MAPK10: variants seen among roughly 807,000 people sequenced by gnomAD.
MAPK10 encodes mitogen-activated protein kinase 10, also known as JNK3 alpha protein kinase.
A neutral mutation model predicts 59.3 loss-of-function variants in MAPK10; 25 were observed. The observed-to-expected ratio is 0.42, with a 90% CI of 0.31 to 0.59. The LOEUF (loss-of-function observed/expected upper bound fraction) is 0.59, where lower values mean the gene tolerates loss of function less well. MAPK10 is among the 20% of genes least tolerant of loss of function. The probability of loss-of-function intolerance (pLI) is 0.15; values close to 1 mark genes in which losing one functional copy is unlikely to be tolerated. For synonymous variants in MAPK10, 190 were observed against 200.5 expected (o/e 0.95, Z 0.44); for missense variants, 351 against 568.9 (o/e 0.62, Z 3.90).
chr4:86,581,151 A>G (rs1455748748), intron 1 of MAPK10, among the ~76,000 whole-genome samples: 2 of 152,162 alleles, frequency 1.3e-5, no homozygotes, highest in African/African-American at 4.8e-5. Context: ...TTATGGATTC[A>G]ACTTATTGCC....
chr4:86,020,173 A>G (rs1275067712), intron 13 of MAPK10: 1 of 152,244 alleles, frequency 6.6e-6, no homozygotes, highest in Non-Finnish European at 1.5e-5. Context: ...AAATGGAAGC[A>G]TATCATATGT....
Position 86,451,682 on chromosome 4 carries a change from A to G in MAPK10, c.-122+1348T>C, listed in dbSNP as rs80133790. On this transcript the variant is annotated intron_variant, in intron 1 of 13. Transcript: ENST00000361569. The stretch of plus-strand genomic sequence containing the variant: ...AATCCCACAGGAGCCCCAGTGTAAA[A>G]CAAGCCTGAGTTATGTGCAACCCAT... 5.3e-3 allele frequency among the ~76,000 whole-genome samples: 803 copies of G among 152,316 alleles called. 9 individuals are homozygous for G. The highest frequency in any genetic ancestry group is 0.018 in the African/African-American group (745 of 41,574).
At chr4:86,294,726 G>A (rs1584228032) in intron 2 of MAPK10, among the ~76,000 whole-genome samples, 1 of 152,184 alleles carries the variant, frequency 6.6e-6, no homozygotes, top group Admixed American at 6.5e-5. Context: ...CTTCAGCAAG[G>A]TGAGGAGAGG....
intron 2 of MAPK10, among the ~76,000 whole-genome samples, chr4:86,289,735 A>G (rs1272083280): frequency 6.6e-6 from 1 of 151,842 alleles, no homozygotes; most frequent in Non-Finnish European, 1.5e-5. Context: ...ATTCTTAGAA[A>G]AAGATGGTGA....
intron 1 of MAPK10, among the ~76,000 whole-genome samples, chr4:86,553,084 A>AGGAT (rs1397659448): frequency 6.6e-6 from 1 of 152,218 alleles, no homozygotes; most frequent in Non-Finnish European, 1.5e-5. Flanking sequence ...CAACAAAAAT[A>AGGAT]GGATGCTGAC....
At chr4:86,153,835 A>T (rs554545855) in intron 4 of MAPK10, among the ~76,000 whole-genome samples, 1 of 152,260 alleles carries the variant, frequency 6.6e-6, no homozygotes, top group Admixed American at 6.5e-5. Context: ...CACCACCTTA[A>T]ACCTGCTACA....
intron 2 of MAPK10, among the ~76,000 whole-genome samples, chr4:86,324,204 C>T (rs1316149880): frequency 1.3e-5 from 2 of 151,996 alleles, no homozygotes; most frequent in South Asian, 2.1e-4. Context: ...GTCAGGAGTT[C>T]GAGACCAGCC....
chr4:86,064,277 C>T lies in MAPK10; in HGVS notation c.1099G>A (p.Glu367Lys). The T allele has an allele frequency of 6.2e-7, 1 of 1,613,992 alleles. No homozygotes were observed. Among genetic ancestry groups the T allele is most frequent in the Admixed American group, 1.7e-5 (1 of 59,970 alleles). The change falls in exon 11 of 14, where the codon GAA becomes AAA. Residue 367 changes from glutamate (E) to lysine (K), a missense_variant. Physicochemically the swap from Glu to Lys is moderately conservative, Grantham distance 56 (BLOSUM62 1). Around this residue, in one of 5 missense-constraint regions of MAPK10, gnomAD observed 155 missense variants for 204.2 expected, o/e 0.76. Transcript: ENST00000641462. ...PYINVWYDPA[E>K]VEAPPPQIYD... ...AGCCTATTTCTTACCGCCTCCACTT[C>T]GGCTGGGTCATACCAGACGTTGATG...
intron 1 of MAPK10, among the ~76,000 whole-genome samples, chr4:86,586,645 T>G (rs910536106): frequency 6.6e-6 from 1 of 152,194 alleles, no homozygotes; most frequent in Non-Finnish European, 1.5e-5. Context: ...AAGTGAGAAT[T>G]TCTAGCCAAA....
intron 1 of MAPK10, among the ~76,000 whole-genome samples, chr4:86,410,640 T>C (rs1248426505): frequency 6.6e-6 from 1 of 152,220 alleles, no homozygotes; most frequent in African/African-American, 2.4e-5. Context: ...GGAGTGTGTA[T>C]GTGTCCAGGA....
At chr4:86,034,388 T>C (rs2039744533) in intron 11 of MAPK10, among the ~76,000 whole-genome samples, 1 of 152,230 alleles carries the variant, frequency 6.6e-6, no homozygotes, top group African/African-American at 2.4e-5. Flanking sequence ...TAATTTCATA[T>C]GAATTTATAT....
intron 2 of MAPK10, among the ~76,000 whole-genome samples, chr4:86,289,161 C>A (rs1186004124): frequency 2.0e-5 from 3 of 151,984 alleles, no homozygotes; most frequent in South Asian, 2.1e-4. Context: ...TTTAGGATAT[C>A]CAAGGCAGAA....
intron 1 of MAPK10, among the ~76,000 whole-genome samples, chr4:86,546,218 T>C (rs1322148385): frequency 6.7e-6 from 1 of 150,018 alleles, no homozygotes; most frequent in Non-Finnish European, 1.5e-5. Flanking sequence ...GCGAGACTCT[T>C]GTCTCCAAAA....
At chr4:86,380,020 G>A (rs1245092387) in intron 1 of MAPK10, among the ~76,000 whole-genome samples, 1 of 152,082 alleles carries the variant, frequency 6.6e-6, no homozygotes, top group Non-Finnish European at 1.5e-5. Flanking sequence ...TGGATCACCT[G>A]AGGTCAGGAG....
intron 2 of MAPK10, among the ~76,000 whole-genome samples, chr4:86,277,994 G>A (rs1045730714): frequency 2.0e-5 from 3 of 152,082 alleles, no homozygotes; most frequent in Non-Finnish European, 4.4e-5. Context: ...ACATCATGAT[G>A]TTTTTAAATA....
chr4:86,476,783 C>T (rs1379723981), intron 1 of MAPK10, among the ~76,000 whole-genome samples: 1 of 152,132 alleles, frequency 6.6e-6, no homozygotes, highest in Non-Finnish European at 1.5e-5. Flanking sequence ...AGCCACATCA[C>T]CAGCATACAA....
intron 1 of MAPK10, among the ~76,000 whole-genome samples, chr4:86,554,744 A>G (rs1397593773): frequency 6.6e-6 from 1 of 152,114 alleles, no homozygotes; most frequent in Non-Finnish European, 1.5e-5. Context: ...AACAAATATG[A>G]TTACACCCTC....
At chr4:86,242,250 C>T (rs762245206) in intron 2 of MAPK10, among the ~76,000 whole-genome samples, 12 of 152,224 alleles carry the variant, frequency 7.9e-5, no homozygotes, top group South Asian at 4.2e-4. Flanking sequence ...CCTCTGACCT[C>T]GAGAGGCACC....
intron 2 of MAPK10, among the ~76,000 whole-genome samples, chr4:86,295,430 C>T (rs1393228316): frequency 6.6e-6 from 1 of 152,098 alleles, no homozygotes; most frequent in Non-Finnish European, 1.5e-5. Flanking sequence ...ATCTAACTTG[C>T]TCTACATTTT....
Sources: allele counts gnomAD v4.1 joint callset (sites outside exome capture counted in the v4.1 genomes callset), GRCh38; gene constraint gnomAD v4.1.1; regional missense constraint gnomAD v4.1.1; transcripts MANE v1.5; gene names NCBI Gene and HGNC (gene_info 2026-07-23, HGNC 2026-07-21).